Variants in FAM3C observed in about 807,000 individuals in gnomAD.
FAM3C encodes the protein protein FAM3C.
A neutral mutation model predicts 32.5 loss-of-function variants in FAM3C; 15 were observed. That is an observed-to-expected ratio of 0.46 (90% CI 0.31 to 0.71). The LOEUF is 0.71. Ranked by LOEUF, FAM3C falls within the 30% of genes least tolerant of loss-of-function variation. The pLI, the probability that FAM3C is intolerant of heterozygous loss-of-function variation, is 0.05. For missense variants in FAM3C, 175 were observed against 274.4 expected (o/e 0.64, Z 2.56); for synonymous variants, 75 against 86.1 (o/e 0.87, Z 0.72).
chr7:121,366,526 G>C (rs1052734170), intron 5 of FAM3C, among the ~76,000 whole-genome samples: 3 of 152,130 alleles, frequency 2.0e-5, no homozygotes, highest in African/African-American at 4.8e-5. Context: ...TTAGGGTTTG[G>C]GGGTGGGGAA....
At chr7:121,359,546 T>C (rs114595629) in intron 8 of FAM3C, among the ~76,000 whole-genome samples, 293 of 152,148 alleles carry the variant, frequency 1.9e-3, no homozygotes, top group African/African-American at 6.7e-3. Context: ...ACTTGGTCTC[T>C]TTGCGCTTTT....
At chr7:121,369,924 T>A (rs1000665171) in intron 5 of FAM3C, among the ~76,000 whole-genome samples, 1 of 145,322 alleles carries the variant, frequency 6.9e-6, no homozygotes, top group Non-Finnish European at 1.5e-5. Flanking sequence ...AATCTGTGAA[T>A]AAAAAACCTG....
intron 1 of FAM3C, among the ~76,000 whole-genome samples, chr7:121,391,454 A>C (rs1283118807): frequency 1.3e-5 from 2 of 152,228 alleles, no homozygotes; most frequent in African/African-American, 4.8e-5. Context: ...CCCACTCATA[A>C]ACTGCTAAAA....
chr7:121,378,795 G>T, intron 3 of FAM3C, 115 bp downstream of exon 3: 1 of 484,308 alleles, frequency 2.1e-6, no homozygotes, highest in Non-Finnish European at 3.7e-6. Context: ...CATATTTATG[G>T]ATATATAATA....
At chr7:121,376,062 G>GT (rs1794233492) in intron 3 of FAM3C, among the ~76,000 whole-genome samples, 1 of 152,106 alleles carries the variant, frequency 6.6e-6, no homozygotes, top group Admixed American at 6.6e-5. Context: ...CTTCAATATG[G>GT]TTTCCACCCC....
chr7:121,385,069 C>G (rs550001342), intron 1 of FAM3C, among the ~76,000 whole-genome samples: 7 of 152,098 alleles, frequency 4.6e-5, no homozygotes, highest in African/African-American at 1.7e-4. Context: ...AAGGATTGAA[C>G]AGGTCCAGAG....
intron 1 of FAM3C, among the ~76,000 whole-genome samples, chr7:121,387,661 C>T (rs1018962366): frequency 6.6e-6 from 1 of 152,010 alleles, no homozygotes; most frequent in African/African-American, 2.4e-5. Flanking sequence ...CCAAACCAAT[C>T]CCAGGAAATG....
intron 3 of FAM3C, among the ~76,000 whole-genome samples, chr7:121,374,504 TC>T (rs1413658921): frequency 4.6e-5 from 7 of 152,204 alleles, no homozygotes; most frequent in Non-Finnish European, 7.3e-5. Context: ...AACTATTTAA[TC>T]TTATGGGTCC....
At chr7:121,374,379 C>T (rs1229286213) in intron 3 of FAM3C, among the ~76,000 whole-genome samples, 1 of 152,062 alleles carries the variant, frequency 6.6e-6, no homozygotes, top group East Asian at 1.9e-4. Flanking sequence ...TTCATTCTTC[C>T]TTTCTAGAAA....
intron 1 of FAM3C, among the ~76,000 whole-genome samples, chr7:121,389,402 C>T (rs566909573): frequency 6.6e-6 from 1 of 152,244 alleles, no homozygotes; most frequent in African/African-American, 2.4e-5. Flanking sequence ...CTCCTCTATA[C>T]CCAAATATAA....
intron 8 of FAM3C, among the ~76,000 whole-genome samples, chr7:121,355,870 AAAGCCT>A (rs1793798032): frequency 6.6e-6 from 1 of 152,212 alleles, no homozygotes; most frequent in South Asian, 2.1e-4. Context: ...AAGAGAGTAC[AAAGCCT>A]GGATCATGGA....
At chr7:121,357,960 G>C (rs1584690671) in intron 8 of FAM3C, among the ~76,000 whole-genome samples, 1 of 151,974 alleles carries the variant, frequency 6.6e-6, no homozygotes, top group South Asian at 2.1e-4. Flanking sequence ...AGAAAAGTGG[G>C]GCCTTTTCTT....
intron 9 of FAM3C, among the ~76,000 whole-genome samples, chr7:121,350,836 C>T (rs78780413): frequency 0.015 from 2,303 of 152,268 alleles, 79 homozygotes; most frequent in African/African-American, 0.053. Flanking sequence ...CCAAACTTCA[C>T]TGATTCTAAA....
chr7:121,362,866 A>AT, intron 7 of FAM3C, 31 bp downstream of exon 7: 2 of 1,322,606 alleles, frequency 1.5e-6, no homozygotes, highest in Non-Finnish European at 2.2e-6. Context: ...CAGTGCCAGC[A>AT]AAAGAACACA....
chr7:121,358,221 A>G (rs1346133450), intron 8 of FAM3C, among the ~76,000 whole-genome samples: 1 of 152,108 alleles, frequency 6.6e-6, no homozygotes, highest in Non-Finnish European at 1.5e-5. Flanking sequence ...ATAAAGTATC[A>G]CTGTTTTCAT....
chr7:121,385,542 C>A (rs1291913702), intron 1 of FAM3C, among the ~76,000 whole-genome samples: 1 of 152,148 alleles, frequency 6.6e-6, no homozygotes, highest in Non-Finnish European at 1.5e-5. Flanking sequence ...ATTCCTTTGG[C>A]CCCACTATCT....
chr7:121,369,107 G>C (rs1794089978), intron 5 of FAM3C, among the ~76,000 whole-genome samples: 1 of 151,266 alleles, frequency 6.6e-6, no homozygotes, highest in South Asian at 2.1e-4. Flanking sequence ...AGCCTCCCAA[G>C]TAGCTAGGAT....
chr7:121,353,399 C>T (rs1291019973), intron 8 of FAM3C, among the ~76,000 whole-genome samples: 3 of 152,112 alleles, frequency 2.0e-5, no homozygotes, highest in African/African-American at 7.2e-5. Flanking sequence ...GTTTTAACTC[C>T]ATTAATCTTA....
At chr7:121,358,434 T>G (rs1264605819) in intron 8 of FAM3C, among the ~76,000 whole-genome samples, 1 of 151,938 alleles carries the variant, frequency 6.6e-6, no homozygotes, top group Non-Finnish European at 1.5e-5. Flanking sequence ...TGAAGAAAAG[T>G]CAGAGAAAAA....
Sources: allele counts gnomAD v4.1 joint callset (sites outside exome capture counted in the v4.1 genomes callset), GRCh38; gene constraint gnomAD v4.1.1; transcripts MANE v1.5; gene names NCBI Gene and HGNC (gene_info 2026-07-23, HGNC 2026-07-21).